ZNF469: variants seen among roughly 807,000 people sequenced by gnomAD.
ZNF469 encodes the protein zinc finger protein 469.
ZNF469 carries 1 observed loss-of-function variant against 1.0 expected under a neutral mutation model. The observed-to-expected ratio is 1.00, with a 90% confidence interval of 0.35 to 4.73. The LOEUF (loss-of-function observed/expected upper bound fraction) is 4.73, where lower values mean the gene tolerates loss of function less well. ZNF469 is among the 30% of genes most tolerant of loss of function. The probability of loss-of-function intolerance (pLI) is 0.16; values close to 1 mark genes in which losing one functional copy is unlikely to be tolerated. For synonymous variants in ZNF469, 2,703 were observed against 2,363.4 expected (o/e 1.14, Z -4.17); for missense variants, 6,100 against 5,356.3 (o/e 1.14, Z -4.33).
the ZNF469 span, among the ~76,000 whole-genome samples, chr16:88,183,252 C>T: frequency 0.091 from 13,872 of 152,210 alleles, 822 homozygotes; most frequent in South Asian, 0.16. Flanking sequence ...ATTTGGAAGA[C>T]AGTTGAGCTG....
chr16:88,437,969 T>A lies in ZNF469; in HGVS notation c.10499T>A (p.Leu3500Gln), dbSNP rs1285038403. ...RPPPRGSSPI[L>Q]SEGSLPALLH... is the part of the protein sequence containing the mutation. ...CCTCCCCGGGGAAGCAGCCCCATCC[T>A]GAGTGAGGGCTCTCTCCCGGCCCTG... Residue 3500 changes from leucine (L) to glutamine (Q), a missense_variant, in exon 3 of 3, where the codon CTG (leucine) becomes CAG (glutamine). Transcript: ENST00000565624. The A allele has an allele frequency of 6.5e-7, 1 of 1,547,068 alleles. No individual in the cohort carries two copies. The highest frequency in any genetic ancestry group is 2.4e-5 in the East Asian group (1 of 40,876).
At position 88,438,440 on chromosome 16, in the gene ZNF469, CTG is replaced by C; in HGVS notation, c.10971_10972del (p.Glu3658GlyfsTer140). ...GAGGTGTCCTCAAGCCACATGGTGT[CTG>C]AGGGGGGGCCCCGAGGCGCCTTCCA... On this transcript the variant is annotated frameshift_variant, in exon 3 of 3. Transcript: ENST00000565624. LOFTEE classifies it low-confidence loss of function (END_TRUNC). 6.5e-7 allele frequency: 1 copy of C among 1,550,128 alleles called. No homozygotes were observed. The highest frequency in any genetic ancestry group is 8.7e-7 in the Non-Finnish European group (1 of 1,146,948).
At chr16:88,221,302 T>C in the ZNF469 span, among the ~76,000 whole-genome samples, 1 of 152,196 alleles carries the variant, frequency 6.6e-6, no homozygotes, top group African/African-American at 2.4e-5. Context: ...CCCACGGCCG[T>C]GAGGGCTCGA....
At chr16:88,185,719 TACATGCATAC>T in the ZNF469 span, among the ~76,000 whole-genome samples, 2 of 134,266 alleles carry the variant, frequency 1.5e-5, no homozygotes, top group African/African-American at 5.9e-5. Context: ...GTGAATATAG[TACATGCATAC>T]ACACGCATAC....
chr16:88,437,206 G>A lies in ZNF469; in HGVS notation c.9736G>A (p.Gly3246Ser), dbSNP rs746250202. 1.8e-5 allele frequency: 28 copies of A among 1,549,368 alleles called. 1 individual carries two copies. The highest frequency in any genetic ancestry group is 1.8e-4 in the South Asian group (15 of 84,042). The change falls in exon 3 of 3, where the codon GGC becomes AGC. Residue 3246 changes from glycine (G) to serine (S), a missense_variant. By Grantham distance (56) the Gly-to-Ser change is moderately conservative. Coordinates refer to ENST00000565624, the MANE Select transcript of ZNF469 (RefSeq NM_001367624.2). ...PKHHRGKRSA[G>S]KAAGSPGDPW... ...ACACCACAGGGGCAAGCGCTCCGCC[G>A]GCAAGGCCGCCGGGAGCCCGGGAGA...
chr16:88,310,791 G>A, the ZNF469 span, among the ~76,000 whole-genome samples: 2 of 152,194 alleles, frequency 1.3e-5, no homozygotes, highest in East Asian at 3.9e-4. Flanking sequence ...TTTTGGCCAG[G>A]CTGCTGCTTT....
the ZNF469 span, among the ~76,000 whole-genome samples, chr16:88,293,890 C>T: frequency 6.6e-6 from 1 of 152,280 alleles, no homozygotes; most frequent in Admixed American, 6.5e-5. Flanking sequence ...CGGTCTCTCT[C>T]CTAAGGCACA....
chr16:88,146,804 G>A, the ZNF469 span, among the ~76,000 whole-genome samples: 128 of 152,196 alleles, frequency 8.4e-4, no homozygotes, highest in African/African-American at 2.9e-3. Context: ...GGGCACTCAC[G>A]GGGCTTCCAG....
chr16:88,272,162 G>C, the ZNF469 span, among the ~76,000 whole-genome samples: 1 of 148,760 alleles, frequency 6.7e-6, no homozygotes, highest in South Asian at 2.2e-4. Flanking sequence ...GAGTGGGTGG[G>C]TAGATGGATG....
chr16:88,221,963 A>G, the ZNF469 span, among the ~76,000 whole-genome samples: 1 of 152,014 alleles, frequency 6.6e-6, no homozygotes, highest in Non-Finnish European at 1.5e-5. Context: ...AACCACACCT[A>G]CAAAGACCCT....
the ZNF469 span, among the ~76,000 whole-genome samples, chr16:88,363,452 T>A: frequency 6.6e-6 from 1 of 152,234 alleles, no homozygotes; most frequent in Non-Finnish European, 1.5e-5. Flanking sequence ...ACAGCTCAAA[T>A]CTTGATTCCA....
At chr16:88,113,781 G>A in the ZNF469 span, among the ~76,000 whole-genome samples, 1 of 152,208 alleles carries the variant, frequency 6.6e-6, no homozygotes, top group Non-Finnish European at 1.5e-5. Context: ...GACACGGCTG[G>A]TTTGACACCC....
At chr16:88,390,959 C>T (rs1241157661) in intron 1 of ZNF469, among the ~76,000 whole-genome samples, 2 of 152,234 alleles carry the variant, frequency 1.3e-5, no homozygotes, top group African/African-American at 2.4e-5. Context: ...CCGAAAGACC[C>T]GACCCAGGCA....
At chr16:88,384,980 G>A (rs1052662510) in intron 1 of ZNF469, among the ~76,000 whole-genome samples, 2 of 152,162 alleles carry the variant, frequency 1.3e-5, no homozygotes, top group African/African-American at 4.8e-5. Context: ...TCCTGAGGCA[G>A]CAGGCAGCAC....
In ZNF469 at chr16:88,424,661, C is replaced by T. The variant is rs532309841; in HGVS notation, c.-191-146C>T. ...CTCTGAGGGGAGCTCACCCATCTCC[C>T]GGTGGCTCTTGGTGGCTTCCCGGTG... On this transcript the variant is annotated intron_variant, in intron 1 of 2. Coordinates refer to ENST00000565624, the MANE Select transcript of ZNF469 (RefSeq NM_001367624.2). This position sits in a 1 kb window ranked among gnomAD's most constrained non-coding sequence, Gnocchi z 4.3. Among the ~76,000 whole-genome samples the T allele has an allele frequency of 6.6e-6, 1 of 152,200 alleles. No homozygotes were observed. Among genetic ancestry groups the T allele is most frequent in the South Asian group, 2.1e-4 (1 of 4,804 alleles).
chr16:88,183,327 C>G, the ZNF469 span, among the ~76,000 whole-genome samples: 1 of 152,178 alleles, frequency 6.6e-6, no homozygotes, highest in African/African-American at 2.4e-5. Flanking sequence ...TGAAACTGCA[C>G]GTCCCCACCA....
At chr16:88,208,897 C>A in the ZNF469 span, among the ~76,000 whole-genome samples, 3 of 151,272 alleles carry the variant, frequency 2.0e-5, no homozygotes, top group Non-Finnish European at 4.4e-5. Flanking sequence ...ACCTGCGAGT[C>A]CTTCCCCAGC....
intron 1 of ZNF469, among the ~76,000 whole-genome samples, chr16:88,384,039 G>T (rs756539924): frequency 9.9e-5 from 15 of 152,238 alleles, no homozygotes; most frequent in Non-Finnish European, 1.8e-4. Flanking sequence ...GGCGGGGGCG[G>T]GGGGGCAGCT....
In ZNF469 at chr16:88,436,361, A is replaced by C; in HGVS notation, c.8891A>C (p.Glu2964Ala). The C allele has an allele frequency of 6.5e-7, 1 of 1,550,054 alleles. No homozygotes were observed. The highest frequency in any genetic ancestry group is 8.7e-7 in the Non-Finnish European group (1 of 1,146,808). Reference protein sequence around the residue: ...WAPGLSLWALEPSREAGAEKL... With the variant: ...WAPGLSLWALAPSREAGAEKL... ...CCCGGCCTCAGCCTGTGGGCCCTGG[A>C]GCCCAGCAGGGAAGCTGGTGCAGAG... Residue 2964 changes from glutamate (E) to alanine (A), a missense_variant, in exon 3 of 3, where the codon GAG becomes GCG. By Grantham distance (107) the Glu-to-Ala change is moderately radical. Transcript: ENST00000565624.
Sources: gnomAD v4.1 joint callset for allele counts (sites outside exome capture counted in the v4.1 genomes callset) on GRCh38, gnomAD v4.1.1 for gene constraint, Gnocchi (gnomAD v3.1) non-coding constraint, MANE v1.5 for transcripts, NCBI Gene and HGNC (gene_info 2026-07-23, HGNC 2026-07-21) for gene names.